The following GNA11 variants were observed in gnomAD, a reference collection of about 807,000 sequenced individuals.
GNA11 encodes guanine nucleotide-binding protein subunit alpha-11.
GNA11 carries 8 observed loss-of-function variants against 38.2 expected under a neutral mutation model. The ratio of observed to expected loss-of-function variants is 0.21; its 90% CI spans 0.12 to 0.38. The LOEUF is 0.38. GNA11 is among the 10% of genes least tolerant of loss of function. The pLI is 1.00. For missense variants in GNA11, 268 were observed against 516.3 expected, an observed-to-expected ratio of 0.52 and a Z score of 4.66; for synonymous variants, 211 against 221.4, an observed-to-expected ratio of 0.95 and a Z score of 0.42.
At chr19:3,111,535 G>A (rs1392654790) in intron 2 of GNA11, among the ~76,000 whole-genome samples, 1 of 152,204 alleles carries the variant, frequency 6.6e-6, no homozygotes, top group Admixed American at 6.5e-5. Flanking sequence ...TCCAGTGCAT[G>A]GAGGGACCGC....
At position 3,094,976 on chromosome 19, in the gene GNA11, C is replaced by CCTGCCTGTGCCTTCA. The variant is rs1229939897; in HGVS notation, c.136+198_136+212dup. Among the ~76,000 whole-genome samples the CCTGCCTGTGCCTTCA allele has an allele frequency of 2.0e-5, 3 of 151,382 alleles. No individual in the cohort carries two copies. The highest frequency in any genetic ancestry group is 2.9e-5 in the Non-Finnish European group (2 of 67,808). On this transcript the variant is annotated intron_variant, in intron 1 of 6. Transcript: ENST00000078429. This position sits in a 1 kb window ranked among gnomAD's most constrained non-coding sequence, Gnocchi z 6.0. ...GGTCGCGGGACCCTCGAGTGTCAGC[C>CCTGCCTGTGCCTTCA]CTGCCTGTGCCTTCACTGCCTGTCC...
intron 4 of GNA11, chr19:3,117,793 A>G: frequency 6.6e-6 from 1 of 152,356 alleles, no homozygotes; most frequent in African/African-American, 2.4e-5. Context: ...AGGGCCGGCC[A>G]GGTGCTGTGG....
chr19:3,112,307 G>A (rs980955468), intron 2 of GNA11, among the ~76,000 whole-genome samples: 4 of 152,214 alleles, frequency 2.6e-5, no homozygotes, highest in Admixed American at 1.3e-4. Flanking sequence ...GGCTGAAGTC[G>A]GAGTCCGGGG....
intron 1 of GNA11, among the ~76,000 whole-genome samples, chr19:3,106,271 G>A (rs1201504712): frequency 1.3e-5 from 2 of 152,188 alleles, no homozygotes; most frequent in African/African-American, 2.4e-5. Flanking sequence ...CAGACATTGG[G>A]TCCACTGTGT....
At chr19:3,111,588 A>G (rs1913777193) in intron 2 of GNA11, among the ~76,000 whole-genome samples, 1 of 152,180 alleles carries the variant, frequency 6.6e-6, no homozygotes, top group Non-Finnish European at 1.5e-5. Context: ...GAGTGCCTTC[A>G]TGTGTGGGCT....
At chr19:3,103,907 G>C (rs958125642) in intron 1 of GNA11, among the ~76,000 whole-genome samples, 1 of 151,784 alleles carries the variant, frequency 6.6e-6, no homozygotes, top group Non-Finnish European at 1.5e-5. Flanking sequence ...GGATGGTCTC[G>C]ATCTCCTGAC....
intron 1 of GNA11, among the ~76,000 whole-genome samples, chr19:3,104,858 G>C (rs1419704648): frequency 6.6e-6 from 1 of 152,206 alleles, no homozygotes; most frequent in East Asian, 1.9e-4. Context: ...TGAACGCCGG[G>C]CTCTTGGATT....
Position 3,110,928 on chromosome 19 carries a change from T to C in GNA11, c.321+595T>C, listed in dbSNP as rs917669841. Among the ~76,000 whole-genome samples, 2 of 152,196 alleles carry C rather than the reference T, an allele frequency of 1.3e-5. No individual in the cohort carries two copies. The highest frequency in any genetic ancestry group is 2.9e-5 in the Non-Finnish European group (2 of 68,038). Reference sequence around the variant, plus strand: ...ATCCCACCACAGCCTCCCGGGTAGCTGGGACTGCAGGTGCATCACCACGCC... The same window carrying C: ...ATCCCACCACAGCCTCCCGGGTAGCCGGGACTGCAGGTGCATCACCACGCC... On this transcript the variant is annotated intron_variant, in intron 2 of 6. Coordinates refer to ENST00000078429, the MANE Select transcript of GNA11 (RefSeq NM_002067.5). The surrounding 1 kb of genome is among the most constrained non-coding windows in gnomAD (Gnocchi z 5.4).
intron 1 of GNA11, among the ~76,000 whole-genome samples, chr19:3,101,077 C>T (rs167421): frequency 0.36 from 54,516 of 151,842 alleles, 10,612 homozygotes; most frequent in Non-Finnish European, 0.45. Flanking sequence ...GGTACCGCAC[C>T]GTCCGGTGGC....
chr19:3,110,556 C>T lies in GNA11; in HGVS notation c.321+223C>T, dbSNP rs1913749408. On this transcript the variant is annotated intron_variant, in intron 2 of 6. Coordinates refer to ENST00000078429, the MANE Select transcript of GNA11 (RefSeq NM_002067.5). The surrounding 1 kb of genome is among the most constrained non-coding windows in gnomAD (Gnocchi z 5.4). ...ATGGGCATTGCGTGGCCAAGCCCCA[C>T]AGCCTCCCTCCCAAGTAGCTGTGGG... Among the ~76,000 whole-genome samples the T allele has an allele frequency of 6.6e-6, 1 of 152,214 alleles. No individual in the cohort carries two copies. Among genetic ancestry groups the T allele is most frequent in the Non-Finnish European group, 1.5e-5 (1 of 68,050 alleles).
chr19:3,106,641 A>G (rs1913645511), intron 1 of GNA11, among the ~76,000 whole-genome samples: 1 of 52,846 alleles, frequency 1.9e-5, no homozygotes. Context: ...AGTGGTGCAC[A>G]TGGGTTAACA....
chr19:3,123,543 A>G lies in GNA11; in HGVS notation c.*2364A>G, dbSNP rs4807404. The G allele has an allele frequency of 0.015, 3,539 of 233,210 alleles. 95 individuals carry two copies. The highest frequency in any genetic ancestry group is 0.053 in the African/African-American group (2,390 of 45,446). 14.4% of individuals were successfully genotyped at this position (233,210 alleles called of 1,614,324 possible). A position where few individuals can be genotyped will look rare whatever the true frequency, so the allele number is the denominator to read the frequency against. On this transcript the variant is annotated 3_prime_UTR_variant, in exon 7 of 7. Transcript: ENST00000078429. ...TTTACCTTGGTGAATCTCACCTGCC[A>G]ACGATTTCTCGTGAGTGCCGACCAC...
At chr19:3,098,639 G>A (rs1015667689) in intron 1 of GNA11, among the ~76,000 whole-genome samples, 1 of 152,220 alleles carries the variant, frequency 6.6e-6, no homozygotes, top group Non-Finnish European at 1.5e-5. Context: ...CAGCCCCCAC[G>A]GGGCAGTGAC....
intron 1 of GNA11, among the ~76,000 whole-genome samples, chr19:3,097,707 C>T (rs920655849): frequency 5.3e-5 from 8 of 152,220 alleles, no homozygotes; most frequent in African/African-American, 1.4e-4. Flanking sequence ...GACGGGGCTC[C>T]GGCTGCCGTG....
At position 3,121,469 on chromosome 19, in the gene GNA11, AAG is replaced by A. The variant is rs1491036202; in HGVS notation, c.*292_*293del. 4.1e-3 allele frequency: 738 copies of A among 180,990 alleles called. 2 individuals carry two copies. Among genetic ancestry groups the A allele is most frequent in the Admixed American group, 7.6e-3 (83 of 10,870 alleles). The allele number at this position is 180,990 out of a possible 1,614,324, so 11.2% of individuals were successfully genotyped here. On this transcript the variant is annotated 3_prime_UTR_variant, in exon 7 of 7. Transcript: ENST00000078429. The stretch of plus-strand genomic sequence containing the variant: ...CGCTTTTTTCTAAAAAAAAAAAAAA[AAG>A]AAAGAAAGAAAAAAAGCAACGAAAC...
At chr19:3,115,678 G>A (rs941045410) in intron 4 of GNA11, among the ~76,000 whole-genome samples, 13 of 150,644 alleles carry the variant, frequency 8.6e-5, no homozygotes, top group Admixed American at 2.0e-4. Flanking sequence ...AGGGGGTGCC[G>A]CATGGTGCGG....
At chr19:3,101,053 G>C (rs964903008) in intron 1 of GNA11, among the ~76,000 whole-genome samples, 1 of 152,164 alleles carries the variant, frequency 6.6e-6, no homozygotes. Context: ...TCTGACCTCG[G>C]AGTTGGTGTT....
rs899383856 is a variant in GNA11, at chr19:3,119,907, G to A, written c.889+548G>A. 2.7e-5 allele frequency among the ~76,000 whole-genome samples: 4 copies of A among 150,408 alleles called. No individual in the cohort carries two copies. Among genetic ancestry groups the A allele is most frequent in the African/African-American group, 4.9e-5 (2 of 40,812 alleles). The stretch of plus-strand genomic sequence containing the variant: ...CCTCCCTACGTGGCCCCTGCCCCAC[G>A]GGGTGTGTCAGGGCAGCTGAGCACT... On this transcript the variant is annotated intron_variant, in intron 6 of 6. Transcript: ENST00000078429. The surrounding 1 kb of genome is among the most constrained non-coding windows in gnomAD (Gnocchi z 4.6).
chr19:3,109,754 C>T (rs1228956125), intron 1 of GNA11, among the ~76,000 whole-genome samples: 1 of 152,226 alleles, frequency 6.6e-6, no homozygotes, highest in Non-Finnish European at 1.5e-5. Context: ...TGTGCTGTCC[C>T]TCTGGTGAGC....
Sources: gnomAD v4.1 joint callset for allele counts (sites outside exome capture counted in the v4.1 genomes callset) on GRCh38, gnomAD v4.1.1 for gene constraint, Gnocchi (gnomAD v3.1) non-coding constraint, MANE v1.5 for transcripts, NCBI Gene and HGNC (gene_info 2026-07-23, HGNC 2026-07-21) for gene names.